Variants in SYT14 observed in about 807,000 individuals in gnomAD.
The protein encoded by SYT14 is synaptotagmin 14, also known as synaptotagmin-14.
Under a neutral mutation model 74.2 loss-of-function variants are expected in SYT14, and 32 were observed. That is an observed-to-expected ratio of 0.43 (90% CI 0.33 to 0.58). The LOEUF is 0.58. SYT14 is among the 20% of genes least tolerant of loss of function. The pLI is 0.05. For synonymous variants in SYT14, 298 were observed against 337.7 expected, an observed-to-expected ratio of 0.88 and a Z score of 1.29; for missense variants, 791 against 981.8, an observed-to-expected ratio of 0.81 and a Z score of 2.60.
chr1:210,114,380 G>A (rs1330097097), intron 7 of SYT14, among the ~76,000 whole-genome samples: 3 of 151,470 alleles, frequency 2.0e-5, no homozygotes, highest in Admixed American at 6.5e-5. Context: ...TCTCACAGCA[G>A]AGGCAGGTAA....
At chr1:210,072,149 A>G (rs1277508095) in intron 5 of SYT14, among the ~76,000 whole-genome samples, 2 of 150,086 alleles carry the variant, frequency 1.3e-5, no homozygotes, top group Non-Finnish European at 3.0e-5. Flanking sequence ...ATATATATAT[A>G]TACTATTTTT....
chr1:210,155,619 A>T (rs1448605327), intron 7 of SYT14, 102 bp from the exon 7 acceptor site: 6 of 1,259,370 alleles, frequency 4.8e-6, no homozygotes, highest in African/African-American at 1.5e-5. Context: ...ACTCATCTTT[A>T]TTGTGATTTA....
At chr1:210,067,141 A>G (rs2081311009) in intron 5 of SYT14, among the ~76,000 whole-genome samples, 2 of 152,018 alleles carry the variant, frequency 1.3e-5, no homozygotes, top group African/African-American at 4.8e-5. Flanking sequence ...TGTCAAGTAT[A>G]TGTCATTGAT....
chr1:210,102,779 T>G (rs1459586277), intron 7 of SYT14, among the ~76,000 whole-genome samples: 1 of 152,074 alleles, frequency 6.6e-6, no homozygotes, highest in Non-Finnish European at 1.5e-5. Context: ...ACTCCTGGGC[T>G]TAAGTGATCC....
At chr1:210,051,304 G>GCAT (rs1558154720) in intron 5 of SYT14, among the ~76,000 whole-genome samples, 2 of 152,162 alleles carry the variant, frequency 1.3e-5, no homozygotes, top group Non-Finnish European at 2.9e-5. Context: ...CAATAAGGTT[G>GCAT]TACAGTATAC....
At chr1:209,954,754 G>A (rs764910784) in intron 2 of SYT14, among the ~76,000 whole-genome samples, 9 of 150,014 alleles carry the variant, frequency 6.0e-5, no homozygotes, top group Non-Finnish European at 1.2e-4. Context: ...CTCCCAGGCT[G>A]GAATGCAGTG....
intron 5 of SYT14, among the ~76,000 whole-genome samples, chr1:210,042,848 G>A (rs1230299671): frequency 6.6e-6 from 1 of 152,090 alleles, no homozygotes; most frequent in Non-Finnish European, 1.5e-5. Context: ...CTCTTTTTTG[G>A]TTCCATATGA....
At chr1:210,101,776 G>A (rs1050347128) in intron 7 of SYT14, among the ~76,000 whole-genome samples, 6 of 152,022 alleles carry the variant, frequency 3.9e-5, no homozygotes, top group African/African-American at 1.4e-4. Context: ...TTTGGTCTGA[G>A]TGATCACTAG....
At chr1:209,962,968 A>T (rs1487936103) in intron 2 of SYT14, among the ~76,000 whole-genome samples, 2 of 152,142 alleles carry the variant, frequency 1.3e-5, no homozygotes, top group African/African-American at 4.8e-5. Flanking sequence ...TTACAGAATG[A>T]TGTCTGTGGA....
intron 2 of SYT14, among the ~76,000 whole-genome samples, chr1:209,987,896 T>G (rs1187714042): frequency 6.6e-6 from 1 of 152,222 alleles, no homozygotes; most frequent in Non-Finnish European, 1.5e-5. Flanking sequence ...TGTTTTTATC[T>G]TTACAACTTT....
intron 2 of SYT14, among the ~76,000 whole-genome samples, chr1:209,988,422 C>A (rs767039446): frequency 6.6e-6 from 1 of 152,016 alleles, no homozygotes; most frequent in Non-Finnish European, 1.5e-5. Flanking sequence ...GAGTCAGTTT[C>A]GATTGATTAA....
At chr1:210,000,613 CTTTTTTTTTT>C (rs71146203) in intron 2 of SYT14, among the ~76,000 whole-genome samples, 1 of 105,442 alleles carries the variant, frequency 9.5e-6, no homozygotes, top group African/African-American at 3.8e-5. Context: ...TTTATGCCTT[CTTTTTTTTTT>C]TTTTTTTTTG....
intron 2 of SYT14, among the ~76,000 whole-genome samples, chr1:210,005,763 A>T (rs913957639): frequency 1.3e-5 from 2 of 151,980 alleles, no homozygotes; most frequent in African/African-American, 4.8e-5. Context: ...ATAGAGTTTT[A>T]TATTAAGATT....
At chr1:210,048,705 A>G (rs937995843) in intron 5 of SYT14, among the ~76,000 whole-genome samples, 4 of 152,270 alleles carry the variant, frequency 2.6e-5, no homozygotes, top group Admixed American at 1.3e-4. Flanking sequence ...TTTGAAAACC[A>G]ATCATGCTTT....
intron 2 of SYT14, among the ~76,000 whole-genome samples, chr1:210,011,154 A>G (rs1425040929): frequency 6.6e-6 from 1 of 152,158 alleles, no homozygotes; most frequent in Non-Finnish European, 1.5e-5. Context: ...GGGAACTCCT[A>G]TATATATTTT....
chr1:210,084,469 C>G (rs139880207), intron 5 of SYT14, among the ~76,000 whole-genome samples: 1 of 152,246 alleles, frequency 6.6e-6, no homozygotes, highest in Non-Finnish European at 1.5e-5. Context: ...GTATCTTAAC[C>G]AAGGCACTTC....
At position 210,108,761 on chromosome 1, in the gene SYT14, A is replaced by T. The variant is rs150846351; in HGVS notation, c.2034+8300A>T. 3.7e-3 allele frequency among the ~76,000 whole-genome samples: 561 copies of T among 152,334 alleles called. 2 individuals carry two copies. The highest frequency in any genetic ancestry group is 6.8e-3 in the Middle Eastern group (2 of 294). On this transcript the variant is annotated intron_variant, in intron 7 of 9. Transcript: ENST00000637265. ...TAGATCATGAAATAAGAGAGAAGTGAAGCCAGAAAGGGGATTATGGGCAGG... is the reference window on the plus strand; with the variant it reads ...TAGATCATGAAATAAGAGAGAAGTGTAGCCAGAAAGGGGATTATGGGCAGG...
At chr1:210,015,813 C>A in exon 4 of SYT14, 23 of 1,056,124 alleles carry the variant, frequency 2.2e-5, no homozygotes, top group Admixed American at 9.3e-5. Flanking sequence ...CCGGAAGAAT[C>A]TTTACTTCAA....
chr1:209,983,454 A>G (rs936359207), intron 2 of SYT14, among the ~76,000 whole-genome samples: 1 of 151,770 alleles, frequency 6.6e-6, no homozygotes, highest in Non-Finnish European at 1.5e-5. Flanking sequence ...CTTAATGTTT[A>G]CTGAGTCTCT....
Sources: allele counts gnomAD v4.1 joint callset (sites outside exome capture counted in the v4.1 genomes callset), GRCh38; gene constraint gnomAD v4.1.1; transcripts MANE v1.5; gene names NCBI Gene and HGNC (gene_info 2026-07-23, HGNC 2026-07-21).